The following ST7 variants were observed in gnomAD, a reference collection of about 807,000 sequenced individuals.
The protein encoded by ST7 is suppressor of tumorigenicity 7 protein.
A neutral mutation model predicts 78.7 loss-of-function variants in ST7; 28 were observed. The observed-to-expected ratio is 0.36, with a 90% CI of 0.26 to 0.49. ST7 has a LOEUF of 0.49. ST7 is among the 20% of genes least tolerant of loss of function. ST7 has a pLI of 0.99. For missense variants in ST7, 418 were observed against 696.0 expected (o/e 0.60, Z 4.49); for synonymous variants, 247 against 249.6 (o/e 0.99, Z 0.10).
chr7:117,121,717 C>A (rs758336105), intron 3 of ST7, among the ~76,000 whole-genome samples: 1 of 152,122 alleles, frequency 6.6e-6, no homozygotes, highest in Non-Finnish European at 1.5e-5. Flanking sequence ...AGAGCACTTA[C>A]CACTTTGTCT....
chr7:116,984,892 A>G (rs1794126921), intron 1 of ST7, among the ~76,000 whole-genome samples: 1 of 152,168 alleles, frequency 6.6e-6, no homozygotes, highest in African/African-American at 2.4e-5. Flanking sequence ...TCATGACGTG[A>G]TTATTAAATT....
At chr7:117,023,956 T>C (rs927727929) in intron 1 of ST7, among the ~76,000 whole-genome samples, 1 of 151,928 alleles carries the variant, frequency 6.6e-6, no homozygotes, top group African/African-American at 2.4e-5. Context: ...ACTACAGGCA[T>C]GTGCCATGAC....
At chr7:117,184,918 A>G (rs1809109900) in intron 10 of ST7, among the ~76,000 whole-genome samples, 1 of 152,222 alleles carries the variant, frequency 6.6e-6, no homozygotes, top group African/African-American at 2.4e-5. Context: ...TATTTTTATA[A>G]ATTTCTGGAA....
At chr7:117,204,221 A>G (rs2115941540) in intron 12 of ST7, among the ~76,000 whole-genome samples, 1 of 152,354 alleles carries the variant, frequency 6.6e-6, no homozygotes, top group South Asian at 2.1e-4. Context: ...AATTACCTCT[A>G]CAGTAATATG....
intron 9 of ST7, among the ~76,000 whole-genome samples, chr7:117,170,345 TATTA>T (rs777632425): frequency 7.2e-5 from 11 of 152,196 alleles, no homozygotes; most frequent in Non-Finnish European, 1.2e-4. Context: ...TATAACCCAA[TATTA>T]ATTATACTTT....
chr7:117,201,195 A>G (rs1563163770), intron 12 of ST7, among the ~76,000 whole-genome samples: 1 of 152,214 alleles, frequency 6.6e-6, no homozygotes, highest in Admixed American at 6.5e-5. Context: ...TTATTTCGAT[A>G]TAAGTTTCTT....
chr7:117,114,404 CA>C (rs200224380), intron 2 of ST7, among the ~76,000 whole-genome samples: 161 of 131,688 alleles, frequency 1.2e-3, no homozygotes, highest in East Asian at 1.3e-3. Flanking sequence ...TCCCTTTTGC[CA>C]AAAAAAAAAA....
chr7:117,075,510 T>C (rs896807688), intron 1 of ST7, among the ~76,000 whole-genome samples: 1 of 152,208 alleles, frequency 6.6e-6, no homozygotes, highest in Non-Finnish European at 1.5e-5. Flanking sequence ...CAGCCCATTG[T>C]TTCCCTGCCA....
At chr7:117,101,468 C>T (rs2116813986) in intron 2 of ST7, among the ~76,000 whole-genome samples, 1 of 152,286 alleles carries the variant, frequency 6.6e-6, no homozygotes, top group East Asian at 1.9e-4. Flanking sequence ...CTTCTGGAGC[C>T]AGGAGTTAGA....
At chr7:117,069,440 G>A (rs1798809722) in intron 1 of ST7, among the ~76,000 whole-genome samples, 2 of 152,298 alleles carry the variant, frequency 1.3e-5, no homozygotes, top group Middle Eastern at 3.4e-3. Flanking sequence ...GCAGAAAGAG[G>A]AAGTAAATAC....
intron 1 of ST7, chr7:116,954,851 C>A: frequency 3.4e-6 from 1 of 297,892 alleles, no homozygotes; most frequent in East Asian, 9.3e-5. Context: ...TGCATTAAAA[C>A]GCTTTTTAAA....
intron 1 of ST7, among the ~76,000 whole-genome samples, chr7:117,093,778 G>T (rs78440151): frequency 6.6e-6 from 1 of 152,128 alleles, no homozygotes; most frequent in Non-Finnish European, 1.5e-5. Flanking sequence ...GAGGTCTGCC[G>T]TATTAGGCAC....
intron 1 of ST7, among the ~76,000 whole-genome samples, chr7:117,053,243 C>T (rs1797880360): frequency 6.6e-6 from 1 of 152,172 alleles, no homozygotes; most frequent in Non-Finnish European, 1.5e-5. Flanking sequence ...ACTGTCTACT[C>T]CAGGCAGCTA....
At chr7:117,057,221 C>T (rs1001029568) in intron 1 of ST7, among the ~76,000 whole-genome samples, 1 of 152,042 alleles carries the variant, frequency 6.6e-6, no homozygotes, top group Non-Finnish European at 1.5e-5. Context: ...TGTCATTATA[C>T]TTATGTATTC....
intron 1 of ST7, among the ~76,000 whole-genome samples, chr7:117,070,203 C>CTA (rs1332251535): frequency 1.3e-5 from 2 of 152,164 alleles, no homozygotes; most frequent in African/African-American, 4.8e-5. Context: ...TTTCAGCTTT[C>CTA]TACTCTGAGT....
chr7:117,160,077 AT>A (rs1260552483), intron 9 of ST7, among the ~76,000 whole-genome samples: 1 of 151,300 alleles, frequency 6.6e-6, no homozygotes, highest in African/African-American at 2.4e-5. Context: ...GCTAATTTTA[AT>A]TTAATTTAAT....
chr7:117,103,566 G>A (rs1801726104), intron 2 of ST7, among the ~76,000 whole-genome samples: 1 of 152,142 alleles, frequency 6.6e-6, no homozygotes, highest in African/African-American at 2.4e-5. Flanking sequence ...AATGAAGCTG[G>A]ACCTCTATCT....
At chr7:117,061,737 T>C (rs1798365558) in intron 1 of ST7, among the ~76,000 whole-genome samples, 1 of 152,062 alleles carries the variant, frequency 6.6e-6, no homozygotes, top group East Asian at 1.9e-4. Flanking sequence ...GACACTGACA[T>C]TAAAAGGAAA....
intron 9 of ST7, among the ~76,000 whole-genome samples, chr7:117,158,918 A>G (rs1231425160): frequency 6.6e-6 from 1 of 152,228 alleles, no homozygotes; most frequent in Non-Finnish European, 1.5e-5. Context: ...TTTGAATATG[A>G]TACAGGCCAA....
Sources: allele counts gnomAD v4.1 joint callset (sites outside exome capture counted in the v4.1 genomes callset), GRCh38; gene constraint gnomAD v4.1.1; transcripts MANE v1.5; gene names NCBI Gene and HGNC (gene_info 2026-07-23, HGNC 2026-07-21).